Variants in UBE3D observed in about 807,000 individuals in gnomAD.
The protein encoded by UBE3D is ubiquitin protein ligase E3D, also known as E3 ubiquitin-protein ligase E3D.
UBE3D carries 48 observed loss-of-function variants against 49.6 expected under a neutral mutation model. That is an observed-to-expected ratio of 0.97 (90% CI 0.77 to 1.23). The LOEUF (loss-of-function observed/expected upper bound fraction) is 1.23, where lower values mean the gene tolerates loss of function less well. Ranked by LOEUF, UBE3D falls within the 50% of genes most tolerant of loss-of-function variation. The pLI, the probability that UBE3D is intolerant of heterozygous loss-of-function variation, is 0.00. For synonymous variants in UBE3D, 189 were observed against 174.2 expected (o/e 1.08, Z -0.67); for missense variants, 452 against 468.4 (o/e 0.96, Z 0.32).
intron 9 of UBE3D, among the ~76,000 whole-genome samples, chr6:82,938,924 A>T (rs971477969): frequency 1.3e-5 from 2 of 152,112 alleles, no homozygotes; most frequent in Admixed American, 1.3e-4. Flanking sequence ...GCATGCACCT[A>T]TAATCCCAGC....
Position 83,044,563 on chromosome 6 carries a change from A to C in UBE3D, c.462T>G (p.Leu154=). 6.2e-7 allele frequency: 1 copy of C among 1,614,116 alleles called. No individual in the cohort carries two copies. The highest frequency in any genetic ancestry group is 8.5e-7 in the Non-Finnish European group (1 of 1,180,002). The change falls in exon 4 of 10, where the codon CTT becomes CTG. Residue 154 remains leucine, a synonymous_variant. Coordinates refer to ENST00000369747, the MANE Select transcript of UBE3D (RefSeq NM_198920.3). ...TAAAACAGTCATTCTCTTGCGGATGAAGTGATTTATTAGCAAAGGGGTCAG... is the reference window on the plus strand; with the variant it reads ...TAAAACAGTCATTCTCTTGCGGATGCAGTGATTTATTAGCAAAGGGGTCAG... The part of the protein sequence containing the change: ...CHPDPFANKS[L]HPQENDCFIG...
intron 9 of UBE3D, among the ~76,000 whole-genome samples, chr6:82,896,985 C>T (rs1007006822): frequency 3.3e-5 from 5 of 151,954 alleles, no homozygotes; most frequent in South Asian, 2.1e-4. Context: ...GTGATCCACC[C>T]GCCCCGGCCT....
chr6:82,914,069 C>G (rs1772729208), intron 9 of UBE3D, among the ~76,000 whole-genome samples: 1 of 152,196 alleles, frequency 6.6e-6, no homozygotes, highest in South Asian at 2.1e-4. Context: ...TGAAGGCAAT[C>G]CAGCTACTAG....
chr6:82,922,461 G>A (rs988137922), intron 9 of UBE3D, among the ~76,000 whole-genome samples: 2 of 152,132 alleles, frequency 1.3e-5, no homozygotes, highest in African/African-American at 4.8e-5. Flanking sequence ...TCAGAAACCT[G>A]ACACATACAA....
chr6:82,939,547 T>C (rs770464880), intron 9 of UBE3D, among the ~76,000 whole-genome samples: 3 of 152,228 alleles, frequency 2.0e-5, no homozygotes, highest in Non-Finnish European at 2.9e-5. Flanking sequence ...TGTTTAGATA[T>C]ATTTTGATAC....
At chr6:83,028,302 T>C (rs988600769) in intron 5 of UBE3D, among the ~76,000 whole-genome samples, 4 of 152,220 alleles carry the variant, frequency 2.6e-5, no homozygotes, top group African/African-American at 4.8e-5. Flanking sequence ...GGTTGCATGG[T>C]GAATACTATA....
chr6:82,961,313 A>C (rs533697624), intron 8 of UBE3D, among the ~76,000 whole-genome samples: 19 of 152,210 alleles, frequency 1.2e-4, no homozygotes, highest in Non-Finnish European at 2.1e-4. Flanking sequence ...TGTAAGCCTA[A>C]GGCCTTAGGT....
At position 83,057,532 on chromosome 6, in the gene UBE3D, C is replaced by T. The variant is rs9344333; in HGVS notation, c.274+294G>A. On this transcript the variant is annotated intron_variant, in intron 2 of 9. Transcript: ENST00000369747. ...CTGATTTAATCTTCCCATCTGTGAG[C>T]CAGAAAATTTTACAATTAAAGAAAC... is the stretch of plus-strand genomic sequence containing the variant. Among the ~76,000 whole-genome samples, 145 of 152,166 alleles carry T rather than the reference C, an allele frequency of 9.5e-4. 2 individuals carry two copies. In the East Asian group the frequency reaches 0.025, roughly 26 times the overall value.
chr6:83,002,624 G>A (rs140178921), intron 8 of UBE3D, among the ~76,000 whole-genome samples: 1 of 152,364 alleles, frequency 6.6e-6, no homozygotes, highest in Non-Finnish European at 1.5e-5. Flanking sequence ...GGCAGACGTT[G>A]CGGTGAGCCG....
intron 8 of UBE3D, among the ~76,000 whole-genome samples, chr6:82,970,829 ACT>A (rs936194880): frequency 2.6e-5 from 4 of 152,032 alleles, no homozygotes; most frequent in African/African-American, 9.7e-5. Context: ...ACAGAGCAAG[ACT>A]CTGTCTCAAA....
At position 83,044,578 on chromosome 6, in the gene UBE3D, A is replaced by C. The variant is rs780419827; in HGVS notation, c.447T>G (p.Phe149Leu). The change falls in exon 4 of 10, where the codon TTT (phenylalanine) becomes TTG (leucine). Residue 149 changes from phenylalanine (F) to leucine (L), a missense_variant. Coordinates refer to ENST00000369747, the MANE Select transcript of UBE3D (RefSeq NM_198920.3). The stretch of plus-strand genomic sequence containing the variant: ...CTTGCGGATGAAGTGATTTATTAGC[A>C]AAGGGGTCAGGATGACAACACCATT... ...VGEWCCHPDP[F>L]ANKSLHPQEN... 14 of 1,614,174 alleles carry C rather than the reference A, an allele frequency of 8.7e-6. No individual in the cohort carries two copies. The South Asian group carries it at 1.4e-4, about 16-fold the overall frequency.
In UBE3D at chr6:82,966,511, G is replaced by C. The variant is rs1364298811; in HGVS notation, c.1011-9061C>G. 1.7e-5 allele frequency among the ~76,000 whole-genome samples: 2 copies of C among 120,160 alleles called. 1 individual carries two copies. Among genetic ancestry groups the C allele is most frequent in the South Asian group, 5.4e-4 (2 of 3,702 alleles). The allele number at this position is 120,160 out of a possible 152,430, so 78.8% of individuals were successfully genotyped here. On this transcript the variant is annotated intron_variant, in intron 8 of 9. Transcript: ENST00000369747. Reference sequence around the variant, plus strand: ...TAAAAATACAAAAAATTAGCCGGGCGTAGTGGCGGGCGCCTGTAGTCCCAG... The same window carrying C: ...TAAAAATACAAAAAATTAGCCGGGCCTAGTGGCGGGCGCCTGTAGTCCCAG...
chr6:83,029,682 T>C (rs1269369304), intron 5 of UBE3D, among the ~76,000 whole-genome samples: 1 of 152,224 alleles, frequency 6.6e-6, no homozygotes, highest in Non-Finnish European at 1.5e-5. Flanking sequence ...GTGTGCAATA[T>C]GTTGTAGCAA....
At chr6:82,991,044 A>C (rs1201626678) in intron 8 of UBE3D, among the ~76,000 whole-genome samples, 3 of 152,188 alleles carry the variant, frequency 2.0e-5, no homozygotes, top group Non-Finnish European at 4.4e-5. Flanking sequence ...GTACCTTCAC[A>C]GGGCCACTGG....
intron 9 of UBE3D, among the ~76,000 whole-genome samples, chr6:82,926,809 CT>C: frequency 6.6e-6 from 1 of 151,872 alleles, no homozygotes; most frequent in Non-Finnish European, 1.5e-5. Flanking sequence ...TGTGGCTTTT[CT>C]TTTTATTCTC....
chr6:83,046,685 C>CACCG (rs1783079026), intron 3 of UBE3D, among the ~76,000 whole-genome samples: 1 of 59,590 alleles, frequency 1.7e-5, no homozygotes, highest in Admixed American at 1.9e-4. Context: ...GGGGGGTGGG[C>CACCG]GGTGGCACCG....
intron 9 of UBE3D, among the ~76,000 whole-genome samples, chr6:82,943,920 G>A (rs1255310924): frequency 6.6e-6 from 1 of 152,132 alleles, no homozygotes; most frequent in African/African-American, 2.4e-5. Context: ...CACAAGCAGG[G>A]AGCATGCAGA....
chr6:82,997,754 GT>G (rs1233778690), intron 8 of UBE3D, among the ~76,000 whole-genome samples: 2 of 151,992 alleles, frequency 1.3e-5, no homozygotes, highest in Non-Finnish European at 2.9e-5. Context: ...AAACACAATA[GT>G]TTTTGTATAT....
At chr6:82,898,822 A>G (rs1331408834) in intron 9 of UBE3D, among the ~76,000 whole-genome samples, 2 of 152,204 alleles carry the variant, frequency 1.3e-5, no homozygotes, top group African/African-American at 4.8e-5. Flanking sequence ...AACTTAAAGT[A>G]TAATAAAAAA....
Sources: gnomAD v4.1 joint callset for allele counts (sites outside exome capture counted in the v4.1 genomes callset) on GRCh38, gnomAD v4.1.1 for gene constraint, MANE v1.5 for transcripts, NCBI Gene and HGNC (gene_info 2026-07-23, HGNC 2026-07-21) for gene names.